The following LMNB2 variants were observed in gnomAD, a reference collection of about 807,000 sequenced individuals.
LMNB2 encodes the protein lamin B2, also known as lamin-B2.
Under a neutral mutation model 69.3 loss-of-function variants are expected in LMNB2, and 17 were observed. That is an observed-to-expected ratio of 0.25 (90% CI 0.17 to 0.37). LMNB2 has a LOEUF of 0.37. Ranked by LOEUF, LMNB2 falls within the 10% of genes least tolerant of loss-of-function variation. The probability of loss-of-function intolerance (pLI) is 1.00; values close to 1 mark genes in which losing one functional copy is unlikely to be tolerated. For missense variants in LMNB2, 789 were observed against 883.6 expected, an observed-to-expected ratio of 0.89 and a Z score of 1.36; for synonymous variants, 397 against 389.3, an observed-to-expected ratio of 1.02 and a Z score of -0.23.
At position 2,431,618 on chromosome 19, in the gene LMNB2, C is replaced by G. The variant is rs377036714; in HGVS notation, c.1751G>C (p.Arg584Pro). Reference protein sequence around the residue: ...MRTVKKSSVMRENENGEEEEE... With the variant: ...MRTVKKSSVMPENENGEEEEE... ...CTCTTCCTCCCCATTCTCATTCTCA[C>G]GCATCACCGAGGACTTCTTCACAGT... Residue 584 changes from arginine to proline, a missense_variant, in exon 11 of 12, where the codon CGT becomes CCT. Around this residue, in one of 3 missense-constraint regions of LMNB2, gnomAD observed 609 missense variants for 630.9 expected, o/e 0.97. Coordinates refer to ENST00000325327, the MANE Select transcript of LMNB2 (RefSeq NM_032737.4). The G allele has an allele frequency of 1.2e-6, 2 of 1,614,158 alleles. No individual in the cohort carries two copies. Among genetic ancestry groups the G allele is most frequent in the East Asian group, 4.5e-5 (2 of 44,888 alleles).
chr19:2,436,374 C>G (rs1379356391), intron 4 of LMNB2, among the ~76,000 whole-genome samples: 1 of 138,108 alleles, frequency 7.2e-6, no homozygotes, highest in Non-Finnish European at 1.6e-5. Flanking sequence ...GAGCAAGACT[C>G]CATCTCAAAA....
At chr19:2,435,455 C>T (rs1009135616) in intron 4 of LMNB2, among the ~76,000 whole-genome samples, 2 of 152,192 alleles carry the variant, frequency 1.3e-5, no homozygotes, top group African/African-American at 2.4e-5. Flanking sequence ...AAAGGCCACA[C>T]GGTGCGTGAT....
rs1188530249 is a variant in LMNB2, at chr19:2,434,090, G to A, written c.1218C>T (p.Pro406=). The change falls in exon 8 of 12, where the codon CCC becomes CCT. Residue 406 remains proline, a synonymous_variant. Coordinates refer to ENST00000325327, the MANE Select transcript of LMNB2 (RefSeq NM_032737.4). ...AGACGGTGACGCGCGAGGATGGGCT[G>A]GGGGACAGCTTCAGCCTGTGGGGAA... ...EGEEERLKLS[P]SPSSRVTVSR... 4 of 1,589,822 alleles carry A rather than the reference G, an allele frequency of 2.5e-6. No individual in the cohort carries two copies. Among genetic ancestry groups the A allele is most frequent in the Admixed American group, 1.8e-5 (1 of 56,508 alleles).
At chr19:2,454,169 T>C (rs1284825236) in intron 1 of LMNB2, among the ~76,000 whole-genome samples, 1 of 151,852 alleles carries the variant, frequency 6.6e-6, no homozygotes, top group Non-Finnish European at 1.5e-5. Context: ...GGTGAACACC[T>C]GTAATCCCAG....
In LMNB2 at chr19:2,453,508, G is replaced by A. The variant is rs911009375; in HGVS notation, c.264+3162C>T. 5.9e-5 allele frequency among the ~76,000 whole-genome samples: 9 copies of A among 151,748 alleles called. No individual in the cohort carries two copies. The highest frequency in any genetic ancestry group is 2.1e-4 in the South Asian group (1 of 4,790). ...CTTCCAACTCTGCTCCCCACTAGCCGGGTTCCTGGCCCACTAGTCGCAGGC... is the reference window on the plus strand; with the variant it reads ...CTTCCAACTCTGCTCCCCACTAGCCAGGTTCCTGGCCCACTAGTCGCAGGC... On this transcript the variant is annotated intron_variant, in intron 1 of 11. Coordinates refer to ENST00000325327, the MANE Select transcript of LMNB2 (RefSeq NM_032737.4). The surrounding 1 kb of genome is among the most constrained non-coding windows in gnomAD (Gnocchi z 4.4).
At position 2,431,800 on chromosome 19, in the gene LMNB2, C is replaced by G. The variant is rs377753934; in HGVS notation, c.1693G>C (p.Val565Leu). ...ACACCCACCTCGCCATCCGCGTTAA[C>G]CAGGACGGTGCGGAAGCTCTCGCCC... is the stretch of plus-strand genomic sequence containing the variant. ...GTGESFRTVL[V>L]NADGEEVAMR... The change falls in exon 10 of 12, where the codon GTT becomes CTT. Residue 565 changes from valine (V) to leucine (L), a missense_variant. Val to Leu is a conservative substitution (Grantham distance 32). Coordinates refer to ENST00000325327, the MANE Select transcript of LMNB2 (RefSeq NM_032737.4). The G allele has an allele frequency of 1.4e-5, 22 of 1,613,790 alleles. No homozygotes were observed. In the African/African-American group the frequency reaches 2.8e-4, roughly 21 times the overall value.
intron 1 of LMNB2, among the ~76,000 whole-genome samples, chr19:2,449,145 C>T (rs1971991268): frequency 6.6e-6 from 1 of 152,232 alleles, no homozygotes; most frequent in Non-Finnish European, 1.5e-5. Context: ...AATCTGCCTG[C>T]CCCAGCCTCC....
intron 5 of LMNB2, 40 bp downstream of exon 5, chr19:2,434,961 T>TGCC: frequency 6.3e-7 from 1 of 1,582,988 alleles, no homozygotes; most frequent in Non-Finnish European, 8.6e-7. Context: ...GGGGCGGGGT[T>TGCC]CCCACCGGCC....
chr19:2,452,422 A>C (rs1232371567), intron 1 of LMNB2, among the ~76,000 whole-genome samples: 3 of 150,482 alleles, frequency 2.0e-5, no homozygotes, highest in Non-Finnish European at 3.0e-5. Flanking sequence ...CGACAGAGAG[A>C]GACTCTGTCT....
Position 2,434,801 on chromosome 19 carries a change from C to T in LMNB2, c.968G>A (p.Gly323Asp). The T allele has an allele frequency of 6.2e-7, 1 of 1,607,012 alleles. No individual in the cohort carries two copies. The highest frequency in any genetic ancestry group is 2.2e-5 in the East Asian group (1 of 44,708). ...TGTGCTCATCACCTGCTTCTGGAGG[C>T]CGGAGAGCTGGTAGCTGAGGGACTC... ...RLESLSYQLS[G>D]LQKQASAAED... Residue 323 changes from glycine to aspartate, a missense_variant, in exon 6 of 12, where the codon GGC becomes GAC. Physicochemically the swap from Gly to Asp is moderately conservative, Grantham distance 94. Transcript: ENST00000325327.
At chr19:2,455,723 TC>T (rs1329481487) in intron 1 of LMNB2, among the ~76,000 whole-genome samples, 2 of 150,668 alleles carry the variant, frequency 1.3e-5, no homozygotes, top group East Asian at 4.0e-4. Flanking sequence ...AATGGGCCAC[TC>T]CGGTCTGCAC....
rs529144550 is a variant in LMNB2, at chr19:2,453,198, C to A, written c.264+3472G>T. On this transcript the variant is annotated intron_variant, in intron 1 of 11. Coordinates refer to ENST00000325327, the MANE Select transcript of LMNB2 (RefSeq NM_032737.4). This position sits in a 1 kb window ranked among gnomAD's most constrained non-coding sequence, Gnocchi z 4.4. ...GCCGTCTCCCTCCCAATGTGACAAC[C>A]AAGGGCATGCCCAGCCTTGGCCAAG... Among the ~76,000 whole-genome samples, 1 of 152,250 alleles carries A rather than the reference C, an allele frequency of 6.6e-6. No homozygotes were observed. The highest frequency in any genetic ancestry group is 2.1e-4 in the South Asian group (1 of 4,826).
intron 1 of LMNB2, among the ~76,000 whole-genome samples, chr19:2,449,236 AACCGGTGCCC>A (rs1405699806): frequency 2.0e-5 from 3 of 152,164 alleles, no homozygotes; most frequent in Non-Finnish European, 4.4e-5. Flanking sequence ...ACCATTGTGT[AACCGGTGCCC>A]ACAGCATTCC....
At position 2,429,549 on chromosome 19, in the gene LMNB2, A is replaced by C. The variant is rs1398973243; in HGVS notation, c.*1362T>G. The C allele has an allele frequency of 6.6e-6, 1 of 152,260 alleles. No homozygotes were observed. Among genetic ancestry groups the C allele is most frequent in the Non-Finnish European group, 1.5e-5 (1 of 68,048 alleles). 9.4% of individuals were successfully genotyped at this position (152,260 alleles called of 1,614,324 possible). ...GCAGGTCCCCAGGGAGGCGGGATGC[A>C]GTCACAGGGGAGCGGTGCCGCCCCC... On this transcript the variant is annotated 3_prime_UTR_variant, in exon 12 of 12. Coordinates refer to ENST00000325327, the MANE Select transcript of LMNB2 (RefSeq NM_032737.4).
In LMNB2 at chr19:2,444,516, C is replaced by T. The variant is rs1485672661; in HGVS notation, c.289G>A (p.Glu97Lys). ...CTCCGGGCATCGGCCAGCTCCGACT[C>T]GTACAGCGCCTTGATGCCACTCACC... ...REVSGIKALYESELADARRVL... is the reference protein window; with the variant it reads ...REVSGIKALYKSELADARRVL... Residue 97 changes from glutamate (E) to lysine (K), a missense_variant, in exon 2 of 12, where the codon GAG becomes AAG. Physicochemically the swap from Glu to Lys is moderately conservative, Grantham distance 56 (BLOSUM62 1). Coordinates refer to ENST00000325327, the MANE Select transcript of LMNB2 (RefSeq NM_032737.4). 2 of 1,611,828 alleles carry T rather than the reference C, an allele frequency of 1.2e-6. No individual in the cohort carries two copies. The highest frequency in any genetic ancestry group is 1.7e-5 in the Admixed American group (1 of 60,026).
Position 2,433,835 on chromosome 19 carries a change from G to A in LMNB2, c.1473C>T (p.Asn491=). Residue 491 remains asparagine, a synonymous_variant, in exon 8 of 12, where the codon AAC becomes AAT. Transcript: ENST00000325327. Reference sequence around the variant, plus strand: ...CGGTCTTTCCGGTCACCTTGTCCGAGTTGTTCTTGAGCTGCACAAACTTGC... The same window carrying A: ...CGGTCTTTCCGGTCACCTTGTCCGAATTGTTCTTGAGCTGCACAAACTTGC... ...LEGKFVQLKN[N]SDKDQSLGNW... is the part of the protein sequence containing the mutation. The A allele has an allele frequency of 1.2e-6, 2 of 1,613,268 alleles. No individual in the cohort carries two copies. The highest frequency in any genetic ancestry group is 1.7e-6 in the Non-Finnish European group (2 of 1,179,874).
intron 11 of LMNB2, among the ~76,000 whole-genome samples, chr19:2,431,189 G>C (rs896582879): frequency 3.3e-5 from 5 of 152,210 alleles, no homozygotes; most frequent in African/African-American, 1.2e-4. Context: ...ATGCAGCTGT[G>C]GTTTCTGCAC....
intron 2 of LMNB2, among the ~76,000 whole-genome samples, chr19:2,439,125 C>T (rs1258977093): frequency 7.1e-6 from 1 of 140,010 alleles, no homozygotes; most frequent in Non-Finnish European, 1.5e-5. Flanking sequence ...CTCAAGGAAT[C>T]CTCCTGTCTC....
chr19:2,432,035 T>G (rs1041990903), intron 9 of LMNB2, 133 bp from the exon 10 acceptor site: 2 of 1,178,314 alleles, frequency 1.7e-6, no homozygotes, highest in African/African-American at 3.1e-5. Flanking sequence ...CGCAGGCTTA[T>G]CCAGGGTGAT....
Sources: allele counts gnomAD v4.1 joint callset (sites outside exome capture counted in the v4.1 genomes callset), GRCh38; gene constraint gnomAD v4.1.1; regional missense constraint gnomAD v4.1.1; non-coding constraint Gnocchi (gnomAD v3.1); transcripts MANE v1.5; gene names NCBI Gene and HGNC (gene_info 2026-07-23, HGNC 2026-07-21).